The following FRMD4A variants were observed in gnomAD, a reference collection of about 807,000 sequenced individuals.
FRMD4A encodes the protein FERM domain-containing protein 4A.
A neutral mutation model predicts 129.1 loss-of-function variants in FRMD4A; 29 were observed. The observed-to-expected ratio is 0.22, with a 90% confidence interval of 0.17 to 0.31. The LOEUF is 0.31. Ranked by LOEUF, FRMD4A falls within the 10% of genes least tolerant of loss-of-function variation. The pLI, the probability that FRMD4A is intolerant of heterozygous loss-of-function variation, is 1.00. For missense variants in FRMD4A, 1,272 were observed against 1,375.8 expected (o/e 0.92, Z 1.19); for synonymous variants, 634 against 571.6 (o/e 1.11, Z -1.56).
intron 2 of FRMD4A, among the ~76,000 whole-genome samples, chr10:14,315,154 T>C (rs1026660431): frequency 6.6e-6 from 1 of 152,074 alleles, no homozygotes; most frequent in Non-Finnish European, 1.5e-5. Context: ...GCCTCATCCA[T>C]GGATCCCGGC....
chr10:13,695,162 TG>T (rs1215732181), intron 14 of FRMD4A, among the ~76,000 whole-genome samples: 13 of 149,954 alleles, frequency 8.7e-5, no homozygotes, highest in African/African-American at 2.9e-4. Context: ...TTTTTTTTTT[TG>T]AGACAGAGTC....
At chr10:13,957,938 T>C (rs2095419651) in intron 2 of FRMD4A, among the ~76,000 whole-genome samples, 2 of 152,098 alleles carry the variant, frequency 1.3e-5, no homozygotes, top group Admixed American at 6.6e-5. Flanking sequence ...TTTTCTTTTT[T>C]TGAAAACCCT....
At chr10:14,065,890 T>C (rs901541031) in intron 2 of FRMD4A, among the ~76,000 whole-genome samples, 1 of 152,098 alleles carries the variant, frequency 6.6e-6, no homozygotes, top group East Asian at 1.9e-4. Context: ...ATGTAGCAGG[T>C]TGGAGATACC....
intron 2 of FRMD4A, among the ~76,000 whole-genome samples, chr10:13,933,275 A>G (rs2095218259): frequency 7.7e-6 from 1 of 130,442 alleles, no homozygotes; most frequent in South Asian, 2.2e-4. Flanking sequence ...ACACCGAGTA[A>G]ATGACTTTGT....
rs185349438 is a variant in FRMD4A at position 13,962,093 on chromosome 10, T to G, written c.46-103181A>C. Among the ~76,000 whole-genome samples, 238 of 152,330 alleles carry G rather than the reference T, an allele frequency of 1.6e-3. 1 individual carries two copies. Among genetic ancestry groups the G allele is most frequent in the African/African-American group, 5.5e-3 (230 of 41,582 alleles). ...AATGAATGAATCTTCATTTAATTAA[T>G]GGAGAAGCGGAGGAATTTAGCCACT... On this transcript the variant is annotated intron_variant, in intron 2 of 24. Coordinates refer to ENST00000357447, the MANE Select transcript of FRMD4A (RefSeq NM_018027.5).
chr10:14,202,676 C>T (rs1842674111), intron 2 of FRMD4A, among the ~76,000 whole-genome samples: 1 of 152,146 alleles, frequency 6.6e-6, no homozygotes, highest in Non-Finnish European at 1.5e-5. Context: ...GCTGGGATTA[C>T]AGGCATGAGC....
At chr10:14,059,274 A>T (rs1332579111) in intron 2 of FRMD4A, among the ~76,000 whole-genome samples, 2 of 152,202 alleles carry the variant, frequency 1.3e-5, no homozygotes, top group African/African-American at 4.8e-5. Flanking sequence ...TGTACAGGCT[A>T]GAGGTAGGAT....
intron 2 of FRMD4A, among the ~76,000 whole-genome samples, chr10:14,312,847 C>T (rs1846601726): frequency 6.6e-6 from 1 of 152,044 alleles, no homozygotes; most frequent in African/African-American, 2.4e-5. Context: ...GCTTGGGCAA[C>T]AGAGTGAGAC....
intron 3 of FRMD4A, among the ~76,000 whole-genome samples, chr10:13,854,579 C>T (rs370103367): frequency 2.0e-5 from 3 of 148,110 alleles, no homozygotes; most frequent in Non-Finnish European, 1.5e-5. Context: ...CACAACCACA[C>T]CGAGCTATTT....
intron 2 of FRMD4A, among the ~76,000 whole-genome samples, chr10:14,284,278 T>G (rs956556801): frequency 6.6e-6 from 1 of 152,146 alleles, no homozygotes; most frequent in African/African-American, 2.4e-5. Flanking sequence ...ATGTACTTAA[T>G]GGAAGTATGC....
intron 2 of FRMD4A, among the ~76,000 whole-genome samples, chr10:13,976,600 G>T (rs577322743): frequency 8.0e-4 from 121 of 152,068 alleles, no homozygotes; most frequent in African/African-American, 2.7e-3. Flanking sequence ...AATGTTTTAA[G>T]ACATAATTAC....
At chr10:14,180,695 A>C (rs1417301784) in intron 2 of FRMD4A, among the ~76,000 whole-genome samples, 1 of 152,224 alleles carries the variant, frequency 6.6e-6, no homozygotes, top group Non-Finnish European at 1.5e-5. Context: ...GAGAGTTCCT[A>C]AACTGTGGAG....
intron 15 of FRMD4A, among the ~76,000 whole-genome samples, chr10:13,675,461 G>A (rs1213759109): frequency 6.6e-6 from 1 of 152,180 alleles, no homozygotes; most frequent in Non-Finnish European, 1.5e-5. Context: ...GAGTACAGTG[G>A]CATGATCTCG....
chr10:14,118,804 C>A (rs1276784887), intron 2 of FRMD4A, among the ~76,000 whole-genome samples: 5 of 152,082 alleles, frequency 3.3e-5, no homozygotes, highest in Non-Finnish European at 7.4e-5. Context: ...TCCCCTTGGC[C>A]CCACCCTTGA....
intron 2 of FRMD4A, among the ~76,000 whole-genome samples, chr10:14,200,175 G>A (rs553665506): frequency 6.0e-5 from 9 of 150,566 alleles, no homozygotes; most frequent in East Asian, 3.9e-4. Flanking sequence ...TTACACGCAT[G>A]AGCCACTGTG....
chr10:13,981,752 A>AG (rs2095562090), intron 2 of FRMD4A, among the ~76,000 whole-genome samples: 1 of 54,030 alleles, frequency 1.9e-5, no homozygotes. Flanking sequence ...AAAAAAAAAA[A>AG]AAAAAAAAAA....
At chr10:13,672,623 T>C (rs2083603287) in intron 16 of FRMD4A, among the ~76,000 whole-genome samples, 1 of 152,188 alleles carries the variant, frequency 6.6e-6, no homozygotes, top group Admixed American at 6.5e-5. Flanking sequence ...ATTTCATGTG[T>C]AACTGGAGCT....
chr10:14,328,636 GT>G (rs1459946235), intron 2 of FRMD4A, among the ~76,000 whole-genome samples: 9 of 149,968 alleles, frequency 6.0e-5, no homozygotes, highest in African/African-American at 2.2e-4. Flanking sequence ...ATGTGTGTGT[GT>G]GTGTGTGTGT....
At chr10:13,797,914 A>T (rs2093157331) in intron 4 of FRMD4A, among the ~76,000 whole-genome samples, 1 of 122,166 alleles carries the variant, frequency 8.2e-6, no homozygotes, top group African/African-American at 2.8e-5. Context: ...CACCTTTCGC[A>T]CAAGAAAAAA....
Sources: gnomAD v4.1 joint callset for allele counts (sites outside exome capture counted in the v4.1 genomes callset) on GRCh38, gnomAD v4.1.1 for gene constraint, MANE v1.5 for transcripts, NCBI Gene and HGNC (gene_info 2026-07-23, HGNC 2026-07-21) for gene names.